IL1RAPL1: variants seen among roughly 807,000 people sequenced by gnomAD.
IL1RAPL1 encodes the protein interleukin 1 receptor accessory protein like 1.
In IL1RAPL1, 3 loss-of-function variants were observed where a neutral mutation model predicts 48.4. The observed-to-expected ratio is 0.06, with a 90% confidence interval of 0.03 to 0.16. The LOEUF (loss-of-function observed/expected upper bound fraction) is 0.16, where lower values mean the gene tolerates loss of function less well. Among genes scored for constraint, IL1RAPL1 ranks in the 10% least tolerant of loss-of-function variants. The pLI, the probability that IL1RAPL1 is intolerant of heterozygous loss-of-function variation, is 1.00. For missense variants in IL1RAPL1, 349 were observed against 530.6 expected, an observed-to-expected ratio of 0.66 and a Z score of 3.36; for synonymous variants, 185 against 187.7, an observed-to-expected ratio of 0.99 and a Z score of 0.12.
At chrX:29,121,968 T>C (rs1402585901) in intron 2 of IL1RAPL1, among the ~76,000 whole-genome samples, 3 of 111,968 alleles carry the variant, frequency 2.7e-5, no homozygotes, top group Non-Finnish European at 3.8e-5. Context: ...ATTAGTGATA[T>C]CAGCCTTAGA....
intron 1 of IL1RAPL1, among the ~76,000 whole-genome samples, chrX:28,652,500 C>A (rs752027025): frequency 9.0e-6 from 1 of 111,409 alleles, no homozygotes; most frequent in African/African-American, 3.3e-5. Context: ...TGTATAATGC[C>A]GTTCTTTTCA....
chrX:29,492,091 C>T (rs774719887), intron 5 of IL1RAPL1, among the ~76,000 whole-genome samples: 1 of 111,935 alleles, frequency 8.9e-6, no homozygotes, highest in South Asian at 3.7e-4. Flanking sequence ...CTCATTCTGA[C>T]CTTAACATCA....
chrX:29,636,748 T>A (rs1261383140), intron 5 of IL1RAPL1, among the ~76,000 whole-genome samples: 2 of 111,239 alleles, frequency 1.8e-5, no homozygotes, highest in African/African-American at 6.5e-5. Context: ...GCAAAAAAAA[T>A]TAGGAACAGG....
intron 6 of IL1RAPL1, among the ~76,000 whole-genome samples, chrX:29,797,090 T>C (rs962473252): frequency 3.5e-5 from 4 of 112,800 alleles, no homozygotes; most frequent in African/African-American, 1.3e-4. Context: ...CAACCTTCTA[T>C]TTTCCAGGGG....
chrX:29,252,458 A>G (rs1255868644), intron 2 of IL1RAPL1, among the ~76,000 whole-genome samples: 1 of 113,954 alleles, frequency 8.8e-6, no homozygotes, highest in Non-Finnish European at 1.9e-5. Context: ...TTTTAAAGCA[A>G]GCAAGTATAC....
intron 5 of IL1RAPL1, among the ~76,000 whole-genome samples, chrX:29,490,338 C>T (rs1602260720): frequency 9.0e-6 from 1 of 110,766 alleles, no homozygotes. Context: ...TCAAGACCAG[C>T]CCAGGCAACA....
chrX:29,227,309 C>CG (rs1422636051), intron 2 of IL1RAPL1, among the ~76,000 whole-genome samples: 1 of 94,767 alleles, frequency 1.1e-5, no homozygotes, highest in East Asian at 3.2e-4. Context: ...GCCTCCTTTT[C>CG]AAAAAAAAAA....
At chrX:28,653,213 G>C (rs1243898362) in intron 1 of IL1RAPL1, among the ~76,000 whole-genome samples, 1 of 111,290 alleles carries the variant, frequency 9.0e-6, no homozygotes, top group African/African-American at 3.3e-5. Context: ...GGTGGCTCAT[G>C]CCTGTAATCC....
At chrX:28,650,544 T>A (rs1483754897) in intron 1 of IL1RAPL1, among the ~76,000 whole-genome samples, 1 of 111,656 alleles carries the variant, frequency 9.0e-6, no homozygotes, top group Non-Finnish European at 1.9e-5. Flanking sequence ...GAATTCAAGA[T>A]GAGATTTGGG....
intron 6 of IL1RAPL1, among the ~76,000 whole-genome samples, chrX:29,788,304 A>G (rs1336903780): frequency 8.9e-6 from 1 of 111,901 alleles, no homozygotes; most frequent in Non-Finnish European, 1.9e-5. Context: ...TAGATATAAT[A>G]TTCTAGTAAG....
intron 2 of IL1RAPL1, among the ~76,000 whole-genome samples, chrX:28,954,563 T>G (rs1478562638): frequency 9.0e-6 from 1 of 110,577 alleles, no homozygotes; most frequent in Non-Finnish European, 1.9e-5. Context: ...ATGGAAAATT[T>G]TTAGCACTTC....
chrX:28,858,843 T>G (rs1921869950), intron 2 of IL1RAPL1, among the ~76,000 whole-genome samples: 1 of 112,509 alleles, frequency 8.9e-6, no homozygotes, highest in Admixed American at 9.4e-5. Context: ...TAAGTGAATT[T>G]TATTATTACT....
chrX:29,578,524 A>G lies in IL1RAPL1; in HGVS notation c.704-89906A>G, dbSNP rs193030693. ...ACTAGAGTTCACTTGTCTTCTTTTC[A>G]GTAGGAAGTTGGCTTCCAATCTAGG... On this transcript the variant is annotated intron_variant, in intron 5 of 10. Transcript: ENST00000378993. Among the ~76,000 whole-genome samples the G allele has an allele frequency of 3.9e-4, 44 of 112,160 alleles. No individual in the cohort carries two copies. The East Asian group carries it at 8.1e-3, about 21-fold the overall frequency.
intron 5 of IL1RAPL1, among the ~76,000 whole-genome samples, chrX:29,490,526 G>A (rs1045329390): frequency 1.4e-4 from 15 of 111,080 alleles, no homozygotes; most frequent in African/African-American, 4.9e-4. Context: ...GAGGGAGACC[G>A]TCTCAAAAAC....
At chrX:28,715,676 G>T (rs1261234633) in intron 1 of IL1RAPL1, among the ~76,000 whole-genome samples, 2 of 111,505 alleles carry the variant, frequency 1.8e-5, no homozygotes, top group Non-Finnish European at 3.8e-5. Flanking sequence ...TTCTGAAATT[G>T]AGGCAGTAAT....
chrX:29,627,205 T>C (rs1924641100), intron 5 of IL1RAPL1, among the ~76,000 whole-genome samples: 1 of 111,850 alleles, frequency 8.9e-6, no homozygotes, highest in South Asian at 3.7e-4. Flanking sequence ...ATGTGGCAAA[T>C]GCTGTGAAGG....
chrX:29,054,526 A>C, intron 2 of IL1RAPL1, among the ~76,000 whole-genome samples: 1 of 111,895 alleles, frequency 8.9e-6, no homozygotes, highest in African/African-American at 3.2e-5. Context: ...TAAATTAGGC[A>C]GCACCAAATC....
intron 1 of IL1RAPL1, among the ~76,000 whole-genome samples, chrX:28,594,015 T>A (rs1933929774): frequency 9.0e-6 from 1 of 111,569 alleles, no homozygotes; most frequent in African/African-American, 3.2e-5. Context: ...TTATGTATAG[T>A]CACAACAGAG....
intron 1 of IL1RAPL1, among the ~76,000 whole-genome samples, chrX:28,687,885 T>C (rs1935130960): frequency 9.0e-6 from 1 of 110,768 alleles, no homozygotes; most frequent in Non-Finnish European, 1.9e-5. Flanking sequence ...GCAGATCACC[T>C]GAGGTCAGGA....
Sources: gnomAD v4.1 joint callset for allele counts (sites outside exome capture counted in the v4.1 genomes callset) on GRCh38, gnomAD v4.1.1 for gene constraint, MANE v1.5 for transcripts, NCBI Gene and HGNC (gene_info 2026-07-23, HGNC 2026-07-21) for gene names.